The following GALNT16 variants were observed in gnomAD, a reference collection of about 807,000 sequenced individuals.
GALNT16 encodes the protein polypeptide N-acetylgalactosaminyltransferase 16, also known as UDP-GalNAc:polypeptide N-acetylgalactosaminyltransferase-like protein 1.
GALNT16 carries 40 observed loss-of-function variants against 76.1 expected under a neutral mutation model. The ratio of observed to expected loss-of-function variants is 0.53; its 90% confidence interval spans 0.41 to 0.68. The LOEUF (loss-of-function observed/expected upper bound fraction) is 0.68, where lower values mean the gene tolerates loss of function less well. GALNT16 is among the 30% of genes least tolerant of loss of function. The probability of loss-of-function intolerance (pLI) is 0.00; values close to 1 mark genes in which losing one functional copy is unlikely to be tolerated. For synonymous variants in GALNT16, 276 were observed against 285.2 expected (o/e 0.97, Z 0.32); for missense variants, 621 against 731.9 (o/e 0.85, Z 1.75).
At chr14:69,313,443 G>T (rs35613673) in intron 1 of GALNT16, among the ~76,000 whole-genome samples, 42,250 of 152,078 alleles carry the variant, frequency 0.28, 5,872 homozygotes, top group Admixed American at 0.3. Context: ...GCCTGGAATG[G>T]CGGGCCTGAT....
chr14:69,272,431 A>C (rs556904000), intron 1 of GALNT16, among the ~76,000 whole-genome samples: 2 of 152,212 alleles, frequency 1.3e-5, no homozygotes, highest in Non-Finnish European at 2.9e-5. Flanking sequence ...TTATACAGTC[A>C]TGTGCTGCAA....
intron 3 of GALNT16, 69 bp downstream of exon 3, chr14:69,324,859 G>A (rs2045258666): frequency 3.9e-6 from 4 of 1,019,326 alleles, no homozygotes; most frequent in Admixed American, 5.1e-5. Context: ...TGGGCGCTGT[G>A]GCCAGACAGC....
At chr14:69,338,875 C>T in intron 10 of GALNT16, 98 bp downstream of exon 10, 3 of 970,210 alleles carry the variant, frequency 3.1e-6, no homozygotes, top group Non-Finnish European at 4.5e-6. Flanking sequence ...GGGCAGCCAC[C>T]TCACTTCTTG....
At chr14:69,331,651 G>C (rs1039983860) in intron 7 of GALNT16, 100 bp downstream of exon 7, 3 of 757,806 alleles carry the variant, frequency 4.0e-6, no homozygotes, top group Non-Finnish European at 7.2e-6. Context: ...AGCTGTGCCA[G>C]AGACCCTCAT....
chr14:69,365,642 G>A, the GALNT16 span, among the ~76,000 whole-genome samples: 461 of 152,234 alleles, frequency 3.0e-3, 3 homozygotes, highest in Non-Finnish European at 5.5e-3. Flanking sequence ...GGGACAGGAG[G>A]GAGAGCATCA....
chr14:69,380,519 C>G, the GALNT16 span: 1 of 1,355,504 alleles, frequency 7.4e-7, no homozygotes, highest in South Asian at 1.2e-5. Flanking sequence ...CCCCAACCCC[C>G]CCAGTGCTTC....
intron 1 of GALNT16, among the ~76,000 whole-genome samples, chr14:69,269,324 T>A (rs1410030985): frequency 3.3e-5 from 5 of 151,772 alleles, no homozygotes; most frequent in Non-Finnish European, 7.4e-5. Context: ...GTGTAGTGTG[T>A]ATGTTGTGTT....
At chr14:69,362,858 ATGG>A in the GALNT16 span, among the ~76,000 whole-genome samples, 3 of 152,202 alleles carry the variant, frequency 2.0e-5, no homozygotes, top group African/African-American at 7.2e-5. Flanking sequence ...GTGGCCTGAA[ATGG>A]TGGGAAGTTG....
chr14:69,319,001 T>A (rs995176384), intron 1 of GALNT16, among the ~76,000 whole-genome samples: 2 of 152,248 alleles, frequency 1.3e-5, no homozygotes, highest in Non-Finnish European at 2.9e-5. Flanking sequence ...TGAAATGGAT[T>A]TTGAGTTCAC....
the GALNT16 span, among the ~76,000 whole-genome samples, chr14:69,371,410 C>T: frequency 1.6e-4 from 24 of 151,716 alleles, no homozygotes; most frequent in East Asian, 1.6e-3. Context: ...CGCACCACCA[C>T]GCCCAGCTTA....
Position 69,325,221 on chromosome 14 carries a change from C to T in GALNT16, c.435-116C>T, listed in dbSNP as rs368318927. 4.4e-5 allele frequency: 33 copies of T among 745,386 alleles called. No homozygotes were observed. In the East Asian group the frequency reaches 4.9e-4, roughly 11 times the overall value. 46.2% of individuals were successfully genotyped at this position (745,386 alleles called of 1,614,324 possible). ...CAAGAATAGGATTCAGGTAGGAGCG[C>T]CCAGCATGCTGGCCCTGGAGCTGGG... On this transcript the variant is annotated intron_variant, in intron 3 of 14. Coordinates refer to ENST00000448469, the MANE Select transcript of GALNT16 (RefSeq NM_001168368.2).
In GALNT16 at chr14:69,352,169, C is replaced by G; in HGVS notation, c.*1C>G. 1 of 1,606,316 alleles carries G rather than the reference C, an allele frequency of 6.2e-7. No homozygotes were observed. Among genetic ancestry groups the G allele is most frequent in the Non-Finnish European group, 8.5e-7 (1 of 1,175,740 alleles). On this transcript the variant is annotated 3_prime_UTR_variant, in exon 15 of 15. Coordinates refer to ENST00000448469, the MANE Select transcript of GALNT16 (RefSeq NM_001168368.2). ...GTGGCAGCTGTTGCCACACACATGA[C>G]GGTAGCCCTGGGGCCTCCTGTACCT...
chr14:69,357,245 CAGA>C (rs2140212931), downstream of GALNT16: 1 of 152,354 alleles, frequency 6.6e-6, no homozygotes, highest in African/African-American at 2.4e-5. Flanking sequence ...GCTCTCTCTC[CAGA>C]AGATGATGCT....
In GALNT16 at chr14:69,320,010, G is replaced by A. The variant is rs191980744; in HGVS notation, c.178-701G>A. ...CCTAGGAGACTGTCAATCTGCAGGCGCTTGGCAGCATCCATTCTGGTTTGT... is the reference window on the plus strand; with the variant it reads ...CCTAGGAGACTGTCAATCTGCAGGCACTTGGCAGCATCCATTCTGGTTTGT... On this transcript the variant is annotated intron_variant, in intron 1 of 14. Transcript: ENST00000448469. 1.8e-4 allele frequency among the ~76,000 whole-genome samples: 27 copies of A among 152,348 alleles called. No individual in the cohort carries two copies. The East Asian group carries it at 5.0e-3, about 28-fold the overall frequency.
chr14:69,277,953 C>A (rs1315498446), intron 1 of GALNT16, among the ~76,000 whole-genome samples: 2 of 152,064 alleles, frequency 1.3e-5, no homozygotes, highest in Non-Finnish European at 2.9e-5. Context: ...TGAAAAAATG[C>A]TCATCATCAC....
intron 1 of GALNT16, among the ~76,000 whole-genome samples, chr14:69,284,256 G>C (rs1339110549): frequency 6.6e-6 from 1 of 152,168 alleles, no homozygotes; most frequent in East Asian, 1.9e-4. Context: ...AGGCCATCCT[G>C]CTACCCTCCA....
chr14:69,281,154 GTCCATC>G (rs1352647388), intron 1 of GALNT16, among the ~76,000 whole-genome samples: 2 of 152,098 alleles, frequency 1.3e-5, no homozygotes, highest in Non-Finnish European at 2.9e-5. Context: ...ACAGTGCCTG[GTCCATC>G]GTGAGCACCT....
At chr14:69,321,226 A>G (rs1309699431) in intron 2 of GALNT16, among the ~76,000 whole-genome samples, 1 of 152,156 alleles carries the variant, frequency 6.6e-6, no homozygotes, top group Non-Finnish European at 1.5e-5. Context: ...AGCCCTGCAC[A>G]TTGCAAACAG....
At chr14:69,293,370 A>G (rs1282987299) in intron 1 of GALNT16, among the ~76,000 whole-genome samples, 1 of 152,228 alleles carries the variant, frequency 6.6e-6, no homozygotes, top group Non-Finnish European at 1.5e-5. Context: ...TTTCAGACAG[A>G]ATACTTCTTA....
Sources: allele counts gnomAD v4.1 joint callset (sites outside exome capture counted in the v4.1 genomes callset), GRCh38; gene constraint gnomAD v4.1.1; transcripts MANE v1.5; gene names NCBI Gene and HGNC (gene_info 2026-07-23, HGNC 2026-07-21).